The following RLF variants were observed in gnomAD, a reference collection of about 807,000 sequenced individuals.
The protein encoded by RLF is RLF zinc finger, also known as zinc finger protein Rlf.
Under a neutral mutation model 162.9 loss-of-function variants are expected in RLF, and 7 were observed. That is an observed-to-expected ratio of 0.04 (90% CI 0.02 to 0.08). RLF has a LOEUF of 0.08. Among genes scored for constraint, RLF ranks in the 10% least tolerant of loss-of-function variants. The pLI, the probability that RLF is intolerant of heterozygous loss-of-function variation, is 1.00. For missense variants in RLF, 1,664 were observed against 2,244.7 expected (o/e 0.74, Z 5.23); for synonymous variants, 782 against 791.5 (o/e 0.99, Z 0.20).
At chr1:40,186,643 G>T (rs998468704) in intron 1 of RLF, among the ~76,000 whole-genome samples, 1 of 152,182 alleles carries the variant, frequency 6.6e-6, no homozygotes, top group Non-Finnish European at 1.5e-5. Context: ...TAATTTGCAT[G>T]TGTGGTTTCA....
chr1:40,223,419 G>T (rs1264922498), intron 6 of RLF, among the ~76,000 whole-genome samples: 2 of 152,128 alleles, frequency 1.3e-5, no homozygotes, highest in African/African-American at 4.8e-5. Context: ...CTGTATACCA[G>T]AGTATTAAAG....
Position 40,238,897 on chromosome 1 carries a change from T to C in RLF, c.4195T>C (p.Ser1399Pro), listed in dbSNP as rs148206646. 221 of 1,614,210 alleles carry C rather than the reference T, an allele frequency of 1.4e-4. No homozygotes were observed. In the African/African-American group the frequency reaches 2.7e-3, roughly 20 times the overall value. ...LDHIEEPKVL[S>P]EAGSAARFSC... ...CCATATTGAAGAGCCTAAAGTACTT[T>C]CCGAAGCTGGATCTGCAGCAAGGTT... Residue 1399 changes from serine (S) to proline (P), a missense_variant, in exon 8 of 8, where the codon TCC becomes CCC. Ser to Pro is a moderately conservative substitution (Grantham distance 74). Around this residue, in one of 15 missense-constraint regions of RLF, gnomAD observed 200 missense variants for 207.3 expected, o/e 0.96. Transcript: ENST00000372771. This position sits in a 1 kb window ranked among gnomAD's most constrained non-coding sequence, Gnocchi z 5.2.
intron 3 of RLF, among the ~76,000 whole-genome samples, chr1:40,194,507 G>T (rs1037518286): frequency 2.6e-5 from 4 of 151,760 alleles, no homozygotes; most frequent in Non-Finnish European, 5.9e-5. Context: ...AGGCGTGGTG[G>T]CAGGCGCCTG....
intron 6 of RLF, among the ~76,000 whole-genome samples, chr1:40,226,928 A>G (rs1643086121): frequency 6.6e-6 from 1 of 152,128 alleles, no homozygotes; most frequent in Non-Finnish European, 1.5e-5. Flanking sequence ...GCAATGGTGC[A>G]GTCTCAGCTC....
chr1:40,239,732 G>A lies in RLF; in HGVS notation c.5030G>A (p.Ser1677Asn), dbSNP rs1001395565. 2 of 1,614,154 alleles carry A rather than the reference G, an allele frequency of 1.2e-6. No homozygotes were observed. Among genetic ancestry groups the A allele is most frequent in the Non-Finnish European group, 1.7e-6 (2 of 1,180,024 alleles). The part of the protein sequence containing the change: ...LYRGTLKCNH[S>N]SKTTSLEQCN... Reference sequence around the variant, plus strand: ...AGGGGAACTTTGAAATGTAATCATAGTTCCAAAACCACTTCCCTAGAACAG... The same window carrying A: ...AGGGGAACTTTGAAATGTAATCATAATTCCAAAACCACTTCCCTAGAACAG... The change falls in exon 8 of 8, where the codon AGT (serine) becomes AAT (asparagine). Residue 1677 changes from serine to asparagine, a missense_variant. By Grantham distance (46) the Ser-to-Asn change is conservative (BLOSUM62 1). Around this residue, in one of 15 missense-constraint regions of RLF, gnomAD observed 327 missense variants for 342.7 expected, o/e 0.95. Transcript: ENST00000372771.
intron 1 of RLF, among the ~76,000 whole-genome samples, chr1:40,173,368 G>C (rs757130094): frequency 1.3e-4 from 19 of 151,922 alleles, no homozygotes; most frequent in Admixed American, 1.2e-3. Flanking sequence ...GAGCCACCAC[G>C]CCTGGCCTAC....
chr1:40,168,858 T>C (rs1343666470), intron 1 of RLF, among the ~76,000 whole-genome samples: 1 of 151,844 alleles, frequency 6.6e-6, no homozygotes, highest in Non-Finnish European at 1.5e-5. Context: ...CCAGGTGTTA[T>C]GGCAGGCACC....
chr1:40,210,730 A>C (rs1642854598), intron 5 of RLF, among the ~76,000 whole-genome samples: 1 of 152,164 alleles, frequency 6.6e-6, no homozygotes, highest in African/African-American at 2.4e-5. Flanking sequence ...AAAACAGAGG[A>C]GGATGTACAG....
intron 1 of RLF, among the ~76,000 whole-genome samples, chr1:40,166,843 G>A (rs1037925280): frequency 7.6e-6 from 1 of 131,138 alleles, no homozygotes; most frequent in Non-Finnish European, 1.6e-5. Flanking sequence ...ATCACACACC[G>A]GGGCCTGTTG....
intron 5 of RLF, among the ~76,000 whole-genome samples, chr1:40,220,700 C>A (rs1025559444): frequency 1.8e-4 from 28 of 152,144 alleles, no homozygotes; most frequent in Middle Eastern, 3.2e-3. Context: ...TTGCTAGGCA[C>A]ATACATTTTG....
intron 4 of RLF, among the ~76,000 whole-genome samples, chr1:40,200,919 C>CCTTAGTATAAACCATTGCTACTCT (rs1642705502): frequency 6.3e-5 from 8 of 127,336 alleles, no homozygotes; most frequent in African/African-American, 2.6e-4. Context: ...CACACACACA[C>CCTTAGTATAAACCATTGCTACTCT]ACACACACAC....
Position 40,202,487 on chromosome 1 carries a change from TC to T in RLF, c.688del (p.Gln230ArgfsTer51). The T allele has an allele frequency of 6.3e-7, 1 of 1,585,092 alleles. No homozygotes were observed. The highest frequency in any genetic ancestry group is 8.5e-7 in the Non-Finnish European group (1 of 1,171,752). On this transcript the variant is annotated frameshift_variant, in exon 5 of 8. Coordinates refer to ENST00000372771, the MANE Select transcript of RLF (RefSeq NM_012421.4). LOFTEE classifies it high-confidence loss of function. ...RIKHLLKSNC[I>X]PQATALSKLC... ...AAACATTTGTTGAAATCTAACTGCATCCCCCAGGCTACTGCTTTATCAAAAC... is the reference window on the plus strand; with the variant it reads ...AAACATTTGTTGAAATCTAACTGCATCCCCAGGCTACTGCTTTATCAAAAC...
chr1:40,235,181 G>C (rs1299593323), intron 7 of RLF, among the ~76,000 whole-genome samples: 1 of 149,838 alleles, frequency 6.7e-6, no homozygotes, highest in South Asian at 2.1e-4. Flanking sequence ...TGCTGCCTCA[G>C]CCTCCGAGTA....
chr1:40,182,753 G>GGAGGTAGATAGA (rs1642421850), intron 1 of RLF, among the ~76,000 whole-genome samples: 1 of 148,762 alleles, frequency 6.7e-6, no homozygotes, highest in African/African-American at 2.5e-5. Context: ...AGATAGATAG[G>GGAGGTAGATAGA]TAGATAGATA....
At chr1:40,187,723 TA>T (rs947222481) in intron 1 of RLF, among the ~76,000 whole-genome samples, 8 of 152,316 alleles carry the variant, frequency 5.3e-5, no homozygotes, top group Non-Finnish European at 2.9e-5. Flanking sequence ...TCTCTTTTTT[TA>T]AATGTTAAAG....
chr1:40,216,964 G>A (rs1642932765), intron 5 of RLF, among the ~76,000 whole-genome samples: 1 of 152,102 alleles, frequency 6.6e-6, no homozygotes, highest in South Asian at 2.1e-4. Flanking sequence ...AGGCAGAATT[G>A]GATGAACCCA....
At chr1:40,226,707 T>G (rs993405337) in intron 6 of RLF, among the ~76,000 whole-genome samples, 1 of 152,206 alleles carries the variant, frequency 6.6e-6, no homozygotes, top group Non-Finnish European at 1.5e-5. Flanking sequence ...AATAGCCTTT[T>G]TTAGGGGATG....
At chr1:40,178,255 A>G (rs925244551) in intron 1 of RLF, among the ~76,000 whole-genome samples, 2 of 152,234 alleles carry the variant, frequency 1.3e-5, no homozygotes, top group African/African-American at 2.4e-5. Context: ...TCTGGATTCT[A>G]TTCTGTTTCA....
intron 5 of RLF, among the ~76,000 whole-genome samples, chr1:40,213,377 T>C (rs1168846915): frequency 6.6e-6 from 1 of 152,224 alleles, no homozygotes; most frequent in African/African-American, 2.4e-5. Context: ...GTTTCAGCCT[T>C]CTTTCAGATA....
Sources: allele counts gnomAD v4.1 joint callset (sites outside exome capture counted in the v4.1 genomes callset), GRCh38; gene constraint gnomAD v4.1.1; regional missense constraint gnomAD v4.1.1; non-coding constraint Gnocchi (gnomAD v3.1); transcripts MANE v1.5; gene names NCBI Gene and HGNC (gene_info 2026-07-23, HGNC 2026-07-21).